CFAP210: variants seen among roughly 807,000 people sequenced by gnomAD.
The protein encoded by CFAP210 is cilia- and flagella- associated protein 210.
At chr2:169,657,705 G>A in the CFAP210 span, among the ~76,000 whole-genome samples, 2 of 151,976 alleles carry the variant, frequency 1.3e-5, no homozygotes, top group South Asian at 2.1e-4. Flanking sequence ...GGGAGGCAGG[G>A]TGAAACTGTC....
At chr2:169,681,247 A>G in the CFAP210 span, 4 of 1,554,082 alleles carry the variant, frequency 2.6e-6, no homozygotes, top group Non-Finnish European at 3.5e-6. Context: ...ATAAATTGTA[A>G]AAAATGATTA....
the CFAP210 span, among the ~76,000 whole-genome samples, chr2:169,670,472 T>C: frequency 1.3e-5 from 2 of 152,070 alleles, no homozygotes; most frequent in African/African-American, 2.4e-5. Flanking sequence ...AATAACTAAT[T>C]ACTCTAAAAC....
the CFAP210 span, among the ~76,000 whole-genome samples, chr2:169,669,861 T>C: frequency 9.9e-5 from 15 of 151,780 alleles, no homozygotes; most frequent in Non-Finnish European, 2.2e-4. Flanking sequence ...CTATGAGACA[T>C]TGAAATGGAG....
At chr2:169,650,518 A>G in the CFAP210 span, 1 of 1,557,766 alleles carries the variant, frequency 6.4e-7, no homozygotes, top group East Asian at 2.3e-5. Context: ...GTTTCTCCAT[A>G]AGCCTATAAC....
the CFAP210 span, among the ~76,000 whole-genome samples, chr2:169,653,629 T>C: frequency 1.3e-5 from 2 of 152,194 alleles, no homozygotes; most frequent in African/African-American, 4.8e-5. Context: ...GACCTAATAC[T>C]GATGACTGCT....
the CFAP210 span, among the ~76,000 whole-genome samples, chr2:169,657,515 C>T: frequency 6.6e-6 from 1 of 152,152 alleles, no homozygotes; most frequent in Middle Eastern, 3.4e-3. Context: ...GCCAAGAGTT[C>T]GAGACCAGCC....
chr2:169,675,941 AGAAAAC>A, the CFAP210 span, among the ~76,000 whole-genome samples: 13 of 152,168 alleles, frequency 8.5e-5, no homozygotes, highest in Non-Finnish European at 1.3e-4. Flanking sequence ...CTATGTCCTA[AGAAAAC>A]CTTGTTTACT....
At chr2:169,645,878 A>AAATTATATTTTGGTCCCTGAGAGTTAT in the CFAP210 span, 2 of 1,612,688 alleles carry the variant, frequency 1.2e-6, no homozygotes, top group Non-Finnish European at 1.7e-6. Flanking sequence ...TGACTTTTGA[A>AAATTATATTTTGGTCCCTGAGAGTTAT]AATTATATTT....
chr2:169,691,511 C>T, the CFAP210 span, among the ~76,000 whole-genome samples: 1 of 152,052 alleles, frequency 6.6e-6, no homozygotes, highest in Non-Finnish European at 1.5e-5. Flanking sequence ...CTTCTGTAGA[C>T]ATCCTCCCCG....
chr2:169,655,758 C>T, the CFAP210 span, among the ~76,000 whole-genome samples: 2 of 152,038 alleles, frequency 1.3e-5, no homozygotes, highest in Non-Finnish European at 2.9e-5. Flanking sequence ...ATTATTCCAC[C>T]CCTTAACCAA....
chr2:169,657,838 A>G, the CFAP210 span, among the ~76,000 whole-genome samples: 9 of 152,230 alleles, frequency 5.9e-5, no homozygotes, highest in Non-Finnish European at 1.3e-4. Flanking sequence ...GAGGAATATG[A>G]AACAATTAAT....
At chr2:169,647,233 C>A in the CFAP210 span, among the ~76,000 whole-genome samples, 1 of 151,750 alleles carries the variant, frequency 6.6e-6, no homozygotes, top group South Asian at 2.1e-4. Context: ...AGGTAAAATG[C>A]TAATATTTGG....
the CFAP210 span, among the ~76,000 whole-genome samples, chr2:169,656,275 G>C: frequency 6.6e-6 from 1 of 151,312 alleles, no homozygotes; most frequent in Admixed American, 6.6e-5. Flanking sequence ...GGGAAACAGA[G>C]TGAGACCCTG....
chr2:169,672,009 G>A, the CFAP210 span, among the ~76,000 whole-genome samples: 4,291 of 152,222 alleles, frequency 0.028, 87 homozygotes, highest in East Asian at 0.1. Context: ...CCCAACTCAG[G>A]TTAATACCAG....
the CFAP210 span, among the ~76,000 whole-genome samples, chr2:169,684,963 C>T: frequency 6.6e-6 from 1 of 152,140 alleles, no homozygotes; most frequent in Non-Finnish European, 1.5e-5. Flanking sequence ...GCCCTAATTC[C>T]TTTTTATGGC....
At chr2:169,674,478 T>C in the CFAP210 span, 1 of 1,011,482 alleles carries the variant, frequency 9.9e-7, no homozygotes. Context: ...TTCTACTGAC[T>C]AATTATTTTA....
the CFAP210 span, among the ~76,000 whole-genome samples, chr2:169,675,605 G>GC: frequency 6.6e-6 from 1 of 152,082 alleles, no homozygotes; most frequent in African/African-American, 2.4e-5. Flanking sequence ...TGAGAAATCT[G>GC]CCCCCATGAT....
the CFAP210 span, among the ~76,000 whole-genome samples, chr2:169,668,456 T>A: frequency 2.4e-3 from 364 of 152,344 alleles, no homozygotes; most frequent in African/African-American, 8.4e-3. Flanking sequence ...TCCTTTCCAT[T>A]CACAGCTTGG....
chr2:169,661,684 TTCTC>T, the CFAP210 span, among the ~76,000 whole-genome samples: 2 of 152,238 alleles, frequency 1.3e-5, no homozygotes, highest in African/African-American at 2.4e-5. Flanking sequence ...TCATTTTCTC[TTCTC>T]TCTTTCTTGT....
Sources: allele counts gnomAD v4.1 joint callset (sites outside exome capture counted in the v4.1 genomes callset), GRCh38; gene constraint gnomAD v4.1.1; transcripts MANE v1.5; gene names NCBI Gene and HGNC (gene_info 2026-07-23, HGNC 2026-07-21).